The following DENND5A variants were observed in gnomAD, a reference collection of about 807,000 sequenced individuals.
The protein encoded by DENND5A is DENN domain-containing protein 5A.
In DENND5A, 64 loss-of-function variants were observed where a neutral mutation model predicts 140.3. The ratio of observed to expected loss-of-function variants is 0.46; its 90% CI spans 0.37 to 0.56. The LOEUF (loss-of-function observed/expected upper bound fraction) is 0.56, where lower values mean the gene tolerates loss of function less well. Among genes scored for constraint, DENND5A ranks in the 20% least tolerant of loss-of-function variants. The probability of loss-of-function intolerance (pLI) is 0.00; values close to 1 mark genes in which losing one functional copy is unlikely to be tolerated. For synonymous variants in DENND5A, 605 were observed against 607.7 expected (o/e 1.00, Z 0.07); for missense variants, 1,292 against 1,593.8 (o/e 0.81, Z 3.22).
intron 15 of DENND5A, among the ~76,000 whole-genome samples, chr11:9,148,228 C>T (rs1331642399): frequency 6.6e-6 from 1 of 151,774 alleles, no homozygotes; most frequent in Non-Finnish European, 1.5e-5. Flanking sequence ...GAAATTTAGA[C>T]AACTGTTGTA....
rs1554919062 is a variant in DENND5A at position 9,178,953 on chromosome 11, G to A, written c.1576C>T (p.Gln526Ter). ...AACACCTCATAATCTGCAAACATCT[G>A]AGTGAAACGATTTGCAAAAACTTCC... Reference protein sequence around the residue: ...IREVFANRFTQMFADYEVFVI... With the variant: ...IREVFANRFT Residue 526 changes from glutamine (Q) to a stop codon, truncating the protein, a stop_gained, in exon 7 of 23, where the codon CAG (glutamine) becomes TAG (stop). Coordinates refer to ENST00000328194, the MANE Select transcript of DENND5A (RefSeq NM_015213.4). LOFTEE classifies it high-confidence loss of function. 6.2e-7 allele frequency: 1 copy of A among 1,614,092 alleles called. No homozygotes were observed. Among genetic ancestry groups the A allele is most frequent in the Non-Finnish European group, 8.5e-7 (1 of 1,180,022 alleles).
At chr11:9,240,286 C>G (rs982221779) in intron 1 of DENND5A, among the ~76,000 whole-genome samples, 1 of 152,062 alleles carries the variant, frequency 6.6e-6, no homozygotes, top group Admixed American at 6.6e-5. Context: ...CCCAGCTACT[C>G]GTTGAGGCTG....
chr11:9,197,249 G>A (rs919329035), intron 4 of DENND5A, among the ~76,000 whole-genome samples: 3 of 151,388 alleles, frequency 2.0e-5, no homozygotes, highest in Non-Finnish European at 2.9e-5. Context: ...AGGTTGCAGC[G>A]AGCCAAGATC....
chr11:9,145,402 A>C, intron 17 of DENND5A: 1 of 574,046 alleles, frequency 1.7e-6, no homozygotes, highest in Non-Finnish European at 3.1e-6. Context: ...AGCTGAAAGA[A>C]CTCCTGGGGA....
intron 1 of DENND5A, among the ~76,000 whole-genome samples, chr11:9,212,026 T>G (rs906185954): frequency 3.3e-4 from 50 of 151,104 alleles, no homozygotes; most frequent in African/African-American, 1.2e-3. Flanking sequence ...GGAGAGATAC[T>G]GACCTTGAAA....
At chr11:9,221,719 A>G (rs1235358544) in intron 1 of DENND5A, among the ~76,000 whole-genome samples, 2 of 151,412 alleles carry the variant, frequency 1.3e-5, no homozygotes, top group Non-Finnish European at 2.9e-5. Context: ...ATAATTGCCA[A>G]TAATGTCTTC....
intron 8 of DENND5A, among the ~76,000 whole-genome samples, chr11:9,175,961 C>T (rs1217271245): frequency 6.6e-6 from 1 of 152,202 alleles, no homozygotes. Flanking sequence ...AATTGGGCCT[C>T]ATCAAAATAA....
At chr11:9,240,394 C>G (rs868581051) in intron 1 of DENND5A, among the ~76,000 whole-genome samples, 58 of 152,102 alleles carry the variant, frequency 3.8e-4, no homozygotes, top group African/African-American at 1.1e-3. Flanking sequence ...AAAACTCCGT[C>G]TCAAAAACAA....
intron 10 of DENND5A, among the ~76,000 whole-genome samples, chr11:9,169,642 A>T (rs1178874317): frequency 6.6e-6 from 1 of 152,100 alleles, no homozygotes; most frequent in Non-Finnish European, 1.5e-5. Flanking sequence ...ATCGGTTAGT[A>T]GCTAGCTGGA....
intron 1 of DENND5A, among the ~76,000 whole-genome samples, chr11:9,238,693 T>C (rs1851107075): frequency 6.6e-6 from 1 of 151,892 alleles, no homozygotes; most frequent in African/African-American, 2.4e-5. Flanking sequence ...AGATTACAGG[T>C]GTGAGCCACT....
intron 1 of DENND5A, among the ~76,000 whole-genome samples, chr11:9,246,416 T>C (rs1238045928): frequency 6.6e-6 from 1 of 151,538 alleles, no homozygotes; most frequent in African/African-American, 2.4e-5. Context: ...ATTGAGACCA[T>C]CCTGGCTAAC....
intron 5 of DENND5A, among the ~76,000 whole-genome samples, chr11:9,189,941 G>C (rs1319754854): frequency 6.6e-6 from 1 of 152,168 alleles, no homozygotes; most frequent in Admixed American, 6.5e-5. Context: ...TGCCCAGCCA[G>C]GGAATCCACC....
At chr11:9,261,439 G>A (rs1852193445) in intron 1 of DENND5A, among the ~76,000 whole-genome samples, 1 of 152,048 alleles carries the variant, frequency 6.6e-6, no homozygotes, top group Non-Finnish European at 1.5e-5. Flanking sequence ...ATGCACCCTG[G>A]AGACTCTCAG....
intron 5 of DENND5A, among the ~76,000 whole-genome samples, chr11:9,186,593 T>A (rs551501559): frequency 6.6e-6 from 1 of 152,158 alleles, no homozygotes; most frequent in African/African-American, 2.4e-5. Context: ...AAATATAGAG[T>A]CTGTAAAGAA....
At chr11:9,245,163 T>C (rs138838997) in intron 1 of DENND5A, among the ~76,000 whole-genome samples, 1,632 of 151,192 alleles carry the variant, frequency 0.011, 14 homozygotes, top group Admixed American at 0.016. Context: ...CACGCGCCTA[T>C]AGTCCCAGCT....
intron 3 of DENND5A, among the ~76,000 whole-genome samples, chr11:9,205,282 A>G (rs562419030): frequency 6.6e-6 from 1 of 152,304 alleles, no homozygotes; most frequent in South Asian, 2.1e-4. Context: ...ACTGACCTGA[A>G]TCAATCAGTT....
intron 20 of DENND5A, 95 bp from the exon 21 acceptor site, chr11:9,142,940 G>A (rs1217509035): frequency 6.6e-7 from 1 of 1,514,546 alleles, no homozygotes; most frequent in Non-Finnish European, 8.9e-7. Flanking sequence ...AGTTGGGAGG[G>A]CTGCAAAAGA....
At chr11:9,185,950 T>C (rs149194583) in intron 5 of DENND5A, among the ~76,000 whole-genome samples, 1 of 152,306 alleles carries the variant, frequency 6.6e-6, no homozygotes, top group Non-Finnish European at 1.5e-5. Context: ...GTCTGTATTG[T>C]CTCTGTGTCT....
In DENND5A at chr11:9,222,006, C is replaced by T. The variant is rs547668157; in HGVS notation, c.110-14374G>A. On this transcript the variant is annotated intron_variant, in intron 1 of 22. Coordinates refer to ENST00000328194, the MANE Select transcript of DENND5A (RefSeq NM_015213.4). ...TCTCCTGACCTCATGATCCGCCCAC[C>T]TTGGCCTCCCAAAGTGCTGGGATTA... is the stretch of plus-strand genomic sequence containing the variant. 2.9e-3 allele frequency among the ~76,000 whole-genome samples: 444 copies of T among 152,172 alleles called. 2 individuals carry two copies. The highest frequency in any genetic ancestry group is 0.01 in the African/African-American group (431 of 41,524).
Sources: gnomAD v4.1 joint callset for allele counts (sites outside exome capture counted in the v4.1 genomes callset) on GRCh38, gnomAD v4.1.1 for gene constraint, MANE v1.5 for transcripts, NCBI Gene and HGNC (gene_info 2026-07-23, HGNC 2026-07-21) for gene names.